Variants in DLG1 observed in about 807,000 individuals in gnomAD.
The protein encoded by DLG1 is disks large homolog 1.
In DLG1, 42 loss-of-function variants were observed where a neutral mutation model predicts 123.4. The observed-to-expected ratio is 0.34, with a 90% CI of 0.27 to 0.44. The LOEUF (loss-of-function observed/expected upper bound fraction) is 0.44. Among genes scored for constraint, DLG1 ranks in the 20% least tolerant of loss-of-function variants. The pLI, the probability that DLG1 is intolerant of heterozygous loss-of-function variation, is 1.00. For synonymous variants in DLG1, 317 were observed against 356.2 expected (o/e 0.89, Z 1.24); for missense variants, 942 against 1,082.6 (o/e 0.87, Z 1.82).
At chr3:197,290,897 TAAAAAAAAA>T (rs34807556) in intron 3 of DLG1, among the ~76,000 whole-genome samples, 1 of 87,970 alleles carries the variant, frequency 1.1e-5, no homozygotes, top group Non-Finnish European at 2.1e-5. Flanking sequence ...CTCCAAATAG[TAAAAAAAAA>T]AAAAAAAAAA....
rs147883824 is a variant in DLG1 at position 197,283,473 on chromosome 3, A to G, written c.152-628T>C. Among the ~76,000 whole-genome samples, 1,287 of 152,328 alleles carry G rather than the reference A, an allele frequency of 8.4e-3. 18 individuals are homozygous for G. The highest frequency in any genetic ancestry group is 0.029 in the African/African-American group (1,219 of 41,564). ...ATTTTATACTACTTTAGAAACAATC[A>G]GTTAAAGTCATGACAAAACTCTAAA... On this transcript the variant is annotated intron_variant, in intron 3 of 24. Transcript: ENST00000667157.
chr3:197,078,878 AAAC>A (rs1310113098), intron 17 of DLG1, among the ~76,000 whole-genome samples: 5 of 152,216 alleles, frequency 3.3e-5, no homozygotes, highest in African/African-American at 1.2e-4. Context: ...GTTTCACAGC[AAAC>A]AACCAAAAGA....
intron 4 of DLG1, among the ~76,000 whole-genome samples, chr3:197,260,904 G>A (rs933610308): frequency 6.6e-6 from 1 of 151,768 alleles, no homozygotes; most frequent in African/African-American, 2.4e-5. Context: ...TTTTTGAGAA[G>A]GGGAGCAGGA....
chr3:197,099,614 A>G (rs965540371), intron 14 of DLG1, among the ~76,000 whole-genome samples: 2 of 152,174 alleles, frequency 1.3e-5, no homozygotes, highest in Non-Finnish European at 2.9e-5. Context: ...TTCATTTGAT[A>G]TCCCCTTTCA....
chr3:197,262,807 G>A (rs1759995919), intron 4 of DLG1, among the ~76,000 whole-genome samples: 1 of 152,230 alleles, frequency 6.6e-6, no homozygotes, highest in South Asian at 2.1e-4. Flanking sequence ...AGTCAGCACA[G>A]AAGTGTGCTG....
intron 13 of DLG1, among the ~76,000 whole-genome samples, chr3:197,109,878 G>C (rs780811856): frequency 7.2e-5 from 11 of 152,160 alleles, no homozygotes; most frequent in Non-Finnish European, 1.5e-4. Context: ...ACCTTGTTGA[G>C]GATCCCTTGC....
chr3:197,160,816 C>T lies in DLG1; in HGVS notation c.484-11020G>A, dbSNP rs115654989. Among the ~76,000 whole-genome samples the T allele has an allele frequency of 6.7e-3, 1,026 of 152,004 alleles. 8 individuals are homozygous for T. Among genetic ancestry groups the T allele is most frequent in the African/African-American group, 0.022 (912 of 41,460 alleles). ...GTTTACACAGCAAACATATGTTTAC[C>T]CAGATTTTAGGCTACAGATCAATAA... On this transcript the variant is annotated intron_variant, in intron 5 of 24. Coordinates refer to ENST00000667157, the MANE Select transcript of DLG1 (RefSeq NM_001366207.1).
chr3:197,297,079 G>T (rs560756280), intron 2 of DLG1, 107 bp downstream of exon 2: 3 of 1,195,268 alleles, frequency 2.5e-6, no homozygotes, highest in Non-Finnish European at 3.7e-6. Flanking sequence ...AGCTAGGACC[G>T]TGCTGTCTCA....
At chr3:197,176,053 C>CA (rs1806869111) in intron 5 of DLG1, among the ~76,000 whole-genome samples, 2 of 152,186 alleles carry the variant, frequency 1.3e-5, no homozygotes, top group South Asian at 4.2e-4. Context: ...TCTAAACAAT[C>CA]AAGACACTAT....
intron 16 of DLG1, among the ~76,000 whole-genome samples, chr3:197,082,488 A>G (rs1162561296): frequency 1.3e-5 from 2 of 152,222 alleles, no homozygotes; most frequent in East Asian, 1.9e-4. Flanking sequence ...CAGCACCACA[A>G]AACTAGCATT....
intron 10 of DLG1, among the ~76,000 whole-genome samples, chr3:197,136,024 C>A (rs1422152383): frequency 6.6e-6 from 1 of 151,956 alleles, no homozygotes; most frequent in African/African-American, 2.4e-5. Context: ...GCTGCCCAGG[C>A]TGGTCTTAAA....
At chr3:197,216,315 G>A (rs1734093916) in intron 4 of DLG1, among the ~76,000 whole-genome samples, 3 of 151,982 alleles carry the variant, frequency 2.0e-5, no homozygotes, top group Admixed American at 6.5e-5. Flanking sequence ...TTTGGCCTGC[G>A]TTGAAAGATT....
chr3:197,056,030 C>T (rs991313005), intron 23 of DLG1, among the ~76,000 whole-genome samples: 2 of 152,202 alleles, frequency 1.3e-5, no homozygotes, highest in Admixed American at 6.5e-5. Context: ...TGCTATGGGA[C>T]TGAGGGTAGA....
At chr3:197,094,989 G>T (rs901479066) in intron 14 of DLG1, among the ~76,000 whole-genome samples, 1 of 152,090 alleles carries the variant, frequency 6.6e-6, no homozygotes, top group Non-Finnish European at 1.5e-5. Context: ...TTTTAGAAAA[G>T]ATTTCTTGTC....
intron 4 of DLG1, among the ~76,000 whole-genome samples, chr3:197,218,850 G>A (rs558433753): frequency 1.6e-4 from 25 of 152,248 alleles, no homozygotes; most frequent in Non-Finnish European, 1.5e-4. Context: ...ATTAAAACTC[G>A]GCCGGGTGCG....
At chr3:197,103,492 T>C (rs1417701701) in intron 14 of DLG1, among the ~76,000 whole-genome samples, 2 of 152,038 alleles carry the variant, frequency 1.3e-5, no homozygotes, top group African/African-American at 2.4e-5. Context: ...AAGTACAACA[T>C]AGGGTCCCAT....
In DLG1 at chr3:197,088,596, T is replaced by C. The variant is rs536229084; in HGVS notation, c.1661+2316A>G. On this transcript the variant is annotated intron_variant, in intron 15 of 24. Transcript: ENST00000667157. ...TGACATAGTAGACAGCCAAAGGAAATAGAATAATGGCAAAAGGGAAGTCCC... is the reference window on the plus strand; with the variant it reads ...TGACATAGTAGACAGCCAAAGGAAACAGAATAATGGCAAAAGGGAAGTCCC... Among the ~76,000 whole-genome samples the C allele has an allele frequency of 4.6e-5, 7 of 152,128 alleles. No homozygotes were observed. The East Asian group carries it at 9.7e-4, about 21-fold the overall frequency.
intron 5 of DLG1, among the ~76,000 whole-genome samples, chr3:197,161,477 CTT>C (rs1798732310): frequency 6.6e-6 from 1 of 152,158 alleles, no homozygotes; most frequent in African/African-American, 2.4e-5. Context: ...CCTGACTCCA[CTT>C]ATATTAAATC....
chr3:197,077,053 T>A (rs1269723022), intron 17 of DLG1, among the ~76,000 whole-genome samples: 1 of 152,200 alleles, frequency 6.6e-6, no homozygotes, highest in Non-Finnish European at 1.5e-5. Flanking sequence ...AGTTATTTAA[T>A]GTTACTTTGC....
Sources: gnomAD v4.1 joint callset for allele counts (sites outside exome capture counted in the v4.1 genomes callset) on GRCh38, gnomAD v4.1.1 for gene constraint, MANE v1.5 for transcripts, NCBI Gene and HGNC (gene_info 2026-07-23, HGNC 2026-07-21) for gene names.